ZC3H18: variants seen among roughly 807,000 people sequenced by gnomAD.
ZC3H18 encodes the protein zinc finger CCCH-type containing 18.
A neutral mutation model predicts 106.1 loss-of-function variants in ZC3H18; 8 were observed. That is an observed-to-expected ratio of 0.08 (90% CI 0.04 to 0.14). The LOEUF (loss-of-function observed/expected upper bound fraction) is 0.14, where lower values mean the gene tolerates loss of function less well. Among genes scored for constraint, ZC3H18 ranks in the 10% least tolerant of loss-of-function variants. The pLI, the probability that ZC3H18 is intolerant of heterozygous loss-of-function variation, is 1.00. For missense variants in ZC3H18, 1,318 were observed against 1,278.4 expected (o/e 1.03, Z -0.47); for synonymous variants, 635 against 522.1 (o/e 1.22, Z -2.95).
chr16:88,612,646 T>A (rs1230831124), intron 8 of ZC3H18, among the ~76,000 whole-genome samples: 1 of 148,948 alleles, frequency 6.7e-6, no homozygotes, highest in Non-Finnish European at 1.5e-5. Flanking sequence ...ACGGCTGCAC[T>A]CCAGCCTGGA....
intron 3 of ZC3H18, among the ~76,000 whole-genome samples, chr16:88,590,917 G>A (rs1443599557): frequency 6.6e-6 from 1 of 150,998 alleles, no homozygotes; most frequent in African/African-American, 2.4e-5. Flanking sequence ...CCATTTTTTG[G>A]GTCTGATCTC....
intron 6 of ZC3H18, among the ~76,000 whole-genome samples, chr16:88,603,348 C>T (rs982715862): frequency 4.6e-5 from 7 of 151,116 alleles, no homozygotes; most frequent in African/African-American, 7.3e-5. Flanking sequence ...TGGCCGGGCA[C>T]GGTGGCTCAC....
At chr16:88,585,551 C>T (rs1041627608) in intron 2 of ZC3H18, among the ~76,000 whole-genome samples, 6 of 152,128 alleles carry the variant, frequency 3.9e-5, no homozygotes, top group African/African-American at 1.4e-4. Context: ...AAGGACCTGT[C>T]GTAGGGGGAG....
chr16:88,592,474 A>C (rs1009684116), intron 3 of ZC3H18, among the ~76,000 whole-genome samples: 33 of 151,740 alleles, frequency 2.2e-4, no homozygotes, highest in African/African-American at 7.5e-4. Flanking sequence ...TTTTTCTTTC[A>C]TTTTATTTTA....
intron 1 of ZC3H18, among the ~76,000 whole-genome samples, chr16:88,573,610 C>G (rs1010579904): frequency 6.6e-6 from 1 of 151,928 alleles, no homozygotes; most frequent in Non-Finnish European, 1.5e-5. Flanking sequence ...GAGGGTCTTA[C>G]CATGTTATCT....
At chr16:88,599,642 G>A in intron 5 of ZC3H18, 149 bp from the exon 6 acceptor site, 1 of 938,182 alleles carries the variant, frequency 1.1e-6, no homozygotes. Context: ...ACTGTGCTGT[G>A]TCCGCCCCTC....
At chr16:88,577,876 G>C in intron 2 of ZC3H18, 150 bp downstream of exon 2, 2 of 1,414,254 alleles carry the variant, frequency 1.4e-6, no homozygotes, top group South Asian at 2.9e-5. Flanking sequence ...TTTGGGTTCA[G>C]TCCCATAGTG....
In ZC3H18 at chr16:88,627,382, C is replaced by T. The variant is rs1219197350; in HGVS notation, c.2109-240C>T. 2.2e-5 allele frequency: 10 copies of T among 461,954 alleles called. No individual in the cohort carries two copies. The highest frequency in any genetic ancestry group is 1.2e-4 in the African/African-American group (6 of 51,624). The allele number at this position is 461,954 out of a possible 1,614,324, so 28.6% of individuals were successfully genotyped here. On this transcript the variant is annotated intron_variant, in intron 13 of 17. Coordinates refer to ENST00000301011, the MANE Select transcript of ZC3H18 (RefSeq NM_144604.4). This position sits in a 1 kb window ranked among gnomAD's most constrained non-coding sequence, Gnocchi z 4.5. The stretch of plus-strand genomic sequence containing the variant: ...TCTCCCAGAGTGCTGGGATTACAGG[C>T]GTGAGCAGCCGTGCCTGGCTGCAAC...
At chr16:88,572,600 A>T (rs1333471471) in intron 1 of ZC3H18, among the ~76,000 whole-genome samples, 1 of 152,040 alleles carries the variant, frequency 6.6e-6, no homozygotes, top group Non-Finnish European at 1.5e-5. Context: ...ATTTAGTTCT[A>T]AATTGTGCTG....
At chr16:88,603,594 A>G (rs1904858366) in intron 6 of ZC3H18, among the ~76,000 whole-genome samples, 1 of 148,296 alleles carries the variant, frequency 6.7e-6, no homozygotes, top group Non-Finnish European at 1.5e-5. Context: ...CCTGCACTCC[A>G]GCCTGGGCAA....
At chr16:88,571,240 G>A (rs1209710158) in intron 1 of ZC3H18, among the ~76,000 whole-genome samples, 2 of 152,234 alleles carry the variant, frequency 1.3e-5, no homozygotes, top group South Asian at 2.1e-4. Flanking sequence ...AGTTTGCCGG[G>A]TAGAGTGGCC....
intron 8 of ZC3H18, among the ~76,000 whole-genome samples, chr16:88,619,572 G>C (rs1905832273): frequency 1.3e-5 from 2 of 152,222 alleles, no homozygotes; most frequent in South Asian, 4.1e-4. Context: ...TGTCTCCAGA[G>C]GGAATGAGCA....
In ZC3H18 at chr16:88,627,388, C is replaced by G. The variant is rs1597361613; in HGVS notation, c.2109-234C>G. On this transcript the variant is annotated intron_variant, in intron 13 of 17. Transcript: ENST00000301011. The surrounding 1 kb of genome is among the most constrained non-coding windows in gnomAD (Gnocchi z 4.5). ...AGAGTGCTGGGATTACAGGCGTGAG[C>G]AGCCGTGCCTGGCTGCAACCTGACA... The G allele has an allele frequency of 3.1e-5, 15 of 476,870 alleles. No homozygotes were observed. In the East Asian group the frequency reaches 5.1e-4, roughly 16 times the overall value. The allele number at this position is 476,870 out of a possible 1,614,324, so 29.5% of individuals were successfully genotyped here.
chr16:88,607,373 A>T (rs1461149606), intron 6 of ZC3H18, among the ~76,000 whole-genome samples: 1 of 152,134 alleles, frequency 6.6e-6, no homozygotes, highest in African/African-American at 2.4e-5. Flanking sequence ...GCGATTTTTC[A>T]TGTGAACTTG....
intron 13 of ZC3H18, 180 bp downstream of exon 13, chr16:88,625,447 G>C: frequency 1.4e-6 from 1 of 708,650 alleles, no homozygotes; most frequent in Non-Finnish European, 2.3e-6. Context: ...AAATGGGCCA[G>C]GACTCGTGAT....
Position 88,631,171 on chromosome 16 carries a change from C to T in ZC3H18, c.2734C>T (p.Pro912Ser). The T allele has an allele frequency of 6.2e-6, 10 of 1,613,638 alleles. No individual in the cohort carries two copies. The highest frequency in any genetic ancestry group is 2.2e-5 in the East Asian group (1 of 44,852). ...GAGCGTGCCCGGCAAAGCCTCGGAT[C>T]CCGGCGCCGCCAGCACCAAATCAGG... ...VTSVPGKASD[P>S]GAASTKSGKA... The change falls in exon 18 of 18, where the codon CCC (proline) becomes TCC (serine). Residue 912 changes from proline to serine, a missense_variant. Pro to Ser is a moderately conservative substitution (Grantham distance 74). Coordinates refer to ENST00000301011, the MANE Select transcript of ZC3H18 (RefSeq NM_144604.4).
At chr16:88,594,407 C>T (rs1358395189) in intron 3 of ZC3H18, among the ~76,000 whole-genome samples, 1 of 152,068 alleles carries the variant, frequency 6.6e-6, no homozygotes, top group Non-Finnish European at 1.5e-5. Context: ...TATTCAAAAT[C>T]AGAAGAGACA....
chr16:88,592,213 T>C (rs754218113), intron 3 of ZC3H18, among the ~76,000 whole-genome samples: 4 of 152,206 alleles, frequency 2.6e-5, no homozygotes, highest in Non-Finnish European at 5.9e-5. Flanking sequence ...TAGTAGCCAT[T>C]TCAGTGGGTA....
chr16:88,572,628 A>G (rs1447108556), intron 1 of ZC3H18, among the ~76,000 whole-genome samples: 4 of 152,062 alleles, frequency 2.6e-5, no homozygotes, highest in Non-Finnish European at 5.9e-5. Flanking sequence ...TCAGTTATAG[A>G]TAGTGTAAGA....
Sources: allele counts gnomAD v4.1 joint callset (sites outside exome capture counted in the v4.1 genomes callset), GRCh38; gene constraint gnomAD v4.1.1; non-coding constraint Gnocchi (gnomAD v3.1); transcripts MANE v1.5; gene names NCBI Gene and HGNC (gene_info 2026-07-23, HGNC 2026-07-21).